Variants in FBXW7 observed in about 807,000 individuals in gnomAD.
FBXW7 encodes F-box and WD repeat domain containing 7, also known as F-box/WD repeat-containing protein 7.
A neutral mutation model predicts 86.3 loss-of-function variants in FBXW7; 11 were observed. That is an observed-to-expected ratio of 0.13 (90% CI 0.08 to 0.21). The LOEUF is 0.21. Among genes scored for constraint, FBXW7 ranks in the 10% least tolerant of loss-of-function variants. FBXW7 has a pLI of 1.00. For missense variants in FBXW7, 488 were observed against 847.4 expected (o/e 0.58, Z 5.27); for synonymous variants, 313 against 297.9 (o/e 1.05, Z -0.52).
At chr4:152,387,435 T>C (rs1735617535) in intron 4 of FBXW7, among the ~76,000 whole-genome samples, 1 of 152,150 alleles carries the variant, frequency 6.6e-6, no homozygotes, top group African/African-American at 2.4e-5. Context: ...TTAGTCTTCC[T>C]AACATCATAG....
At chr4:152,511,519 G>C (rs1747976033) in intron 2 of FBXW7, among the ~76,000 whole-genome samples, 1 of 151,694 alleles carries the variant, frequency 6.6e-6, no homozygotes, top group Non-Finnish European at 1.5e-5. Context: ...TTTCACTTTT[G>C]GGAAATTATC....
intron 4 of FBXW7, among the ~76,000 whole-genome samples, chr4:152,374,618 A>T (rs1027570279): frequency 6.6e-6 from 1 of 152,122 alleles, no homozygotes; most frequent in Non-Finnish European, 1.5e-5. Flanking sequence ...GAAGCATAAA[A>T]AGGTATTAAA....
intron 2 of FBXW7, among the ~76,000 whole-genome samples, chr4:152,506,629 A>G (rs1747451520): frequency 6.6e-6 from 1 of 152,262 alleles, no homozygotes; most frequent in South Asian, 2.1e-4. Flanking sequence ...TTAGGTAAAC[A>G]GGTAATATTG....
At chr4:152,378,179 A>C (rs375982341) in intron 4 of FBXW7, among the ~76,000 whole-genome samples, 1 of 152,230 alleles carries the variant, frequency 6.6e-6, no homozygotes, top group Non-Finnish European at 1.5e-5. Context: ...ATGACGATAC[A>C]TAAGATGTGA....
At chr4:152,417,500 G>C (rs1042070331) in intron 2 of FBXW7, among the ~76,000 whole-genome samples, 2 of 152,114 alleles carry the variant, frequency 1.3e-5, no homozygotes, top group Non-Finnish European at 2.9e-5. Context: ...GAGCCTTTCT[G>C]TAGTGAGGGA....
chr4:152,352,181 G>C (rs1385707722), intron 4 of FBXW7, among the ~76,000 whole-genome samples: 5 of 152,138 alleles, frequency 3.3e-5, no homozygotes, highest in Non-Finnish European at 7.4e-5. Flanking sequence ...ACTAAGGATA[G>C]AGTATTTCCA....
At chr4:152,500,900 T>G (rs774525881) in intron 2 of FBXW7, among the ~76,000 whole-genome samples, 3 of 152,362 alleles carry the variant, frequency 2.0e-5, no homozygotes, top group Non-Finnish European at 4.4e-5. Flanking sequence ...TTTCTTCTAT[T>G]TGGTTTTGTT....
chr4:152,419,837 T>A (rs907640866), intron 2 of FBXW7, among the ~76,000 whole-genome samples: 21 of 152,304 alleles, frequency 1.4e-4, no homozygotes, highest in African/African-American at 5.1e-4. Context: ...TACCTTAATT[T>A]AAAAGGACTA....
intron 2 of FBXW7, among the ~76,000 whole-genome samples, chr4:152,469,537 T>C (rs545322370): frequency 1.2e-4 from 18 of 152,226 alleles, no homozygotes; most frequent in African/African-American, 2.2e-4. Context: ...TGTTGGCATG[T>C]TGCAGCAAAC....
At position 152,531,885 on chromosome 4, in the gene FBXW7, A is replaced by T. The variant is rs577072067; in HGVS notation, c.-120+3056T>A. 1.8e-3 allele frequency among the ~76,000 whole-genome samples: 276 copies of T among 151,784 alleles called. 2 individuals carry two copies. The highest frequency in any genetic ancestry group is 5.4e-3 in the African/African-American group (223 of 41,386). ...ATACCCTATTTAAAAAAAAAAAAAAATTTTAGCTTGTTTCAAAAATACAGA... is the reference window on the plus strand; with the variant it reads ...ATACCCTATTTAAAAAAAAAAAAAATTTTTAGCTTGTTTCAAAAATACAGA... On this transcript the variant is annotated intron_variant, in intron 2 of 13. Transcript: ENST00000281708.
At chr4:152,524,075 G>C (rs1377642585) in intron 2 of FBXW7, among the ~76,000 whole-genome samples, 1 of 152,166 alleles carries the variant, frequency 6.6e-6, no homozygotes, top group Non-Finnish European at 1.5e-5. Flanking sequence ...TATTGCAGCA[G>C]CTAACATTTA....
intron 4 of FBXW7, among the ~76,000 whole-genome samples, chr4:152,407,869 TA>T (rs1737565237): frequency 6.6e-6 from 1 of 152,170 alleles, no homozygotes; most frequent in African/African-American, 2.4e-5. Context: ...CACACTCAGC[TA>T]ATTTTTGTAT....
At chr4:152,346,613 A>G (rs540516572) in intron 6 of FBXW7, among the ~76,000 whole-genome samples, 104 of 152,270 alleles carry the variant, frequency 6.8e-4, no homozygotes, top group African/African-American at 2.4e-3. Flanking sequence ...CATCGCTACT[A>G]TCCAATTCCA....
chr4:152,454,932 T>G (rs577566603), intron 2 of FBXW7, among the ~76,000 whole-genome samples: 3 of 152,082 alleles, frequency 2.0e-5, no homozygotes, highest in African/African-American at 7.2e-5. Context: ...ATAAAACTAA[T>G]ATATGTGTTT....
chr4:152,421,152 G>A (rs1050101961), intron 2 of FBXW7, among the ~76,000 whole-genome samples: 1 of 151,466 alleles, frequency 6.6e-6, no homozygotes, highest in Admixed American at 6.6e-5. Flanking sequence ...ACATGTTATC[G>A]AGACAGCTTA....
chr4:152,377,374 T>C (rs1204918154), intron 4 of FBXW7, among the ~76,000 whole-genome samples: 1 of 152,114 alleles, frequency 6.6e-6, no homozygotes, highest in East Asian at 1.9e-4. Context: ...CTAGAATACA[T>C]AGTTGGCTCT....
At chr4:152,434,579 T>C (rs1740207139) in intron 2 of FBXW7, among the ~76,000 whole-genome samples, 1 of 152,204 alleles carries the variant, frequency 6.6e-6, no homozygotes, top group Admixed American at 6.5e-5. Context: ...CACTATTTAC[T>C]GACTTTTTTA....
chr4:152,455,665 C>T (rs1470099753), intron 2 of FBXW7, among the ~76,000 whole-genome samples: 2 of 152,204 alleles, frequency 1.3e-5, no homozygotes, highest in Non-Finnish European at 2.9e-5. Context: ...ATTCCACTTA[C>T]AGGCAAAATC....
chr4:152,533,869 G>C (rs1232179324), intron 2 of FBXW7, among the ~76,000 whole-genome samples: 2 of 152,260 alleles, frequency 1.3e-5, no homozygotes, highest in African/African-American at 2.4e-5. Flanking sequence ...ACTTCGAAAA[G>C]AGAGATAACC....
Sources: allele counts gnomAD v4.1 joint callset (sites outside exome capture counted in the v4.1 genomes callset), GRCh38; gene constraint gnomAD v4.1.1; transcripts MANE v1.5; gene names NCBI Gene and HGNC (gene_info 2026-07-23, HGNC 2026-07-21).